Variants in ANKFN1 observed in about 807,000 individuals in gnomAD.
The protein encoded by ANKFN1 is ankyrin repeat and fibronectin type III domain containing 1.
ANKFN1 carries 74 observed loss-of-function variants against 108.7 expected under a neutral mutation model. The ratio of observed to expected loss-of-function variants is 0.68; its 90% CI spans 0.56 to 0.83. The LOEUF is 0.83. ANKFN1 is among the 40% of genes least tolerant of loss of function. The pLI is 0.00. For missense variants in ANKFN1, 1,505 were observed against 1,382.3 expected (o/e 1.09, Z -1.41); for synonymous variants, 547 against 516.2 (o/e 1.06, Z -0.81).
At chr17:56,113,236 G>A (rs1189059862) in intron 4 of ANKFN1, among the ~76,000 whole-genome samples, 1 of 152,186 alleles carries the variant, frequency 6.6e-6, no homozygotes, top group South Asian at 2.1e-4. Flanking sequence ...AAGGTTGGGA[G>A]TGAGGTGGAC....
chr17:56,509,813 A>G (rs2051685959), intron 20 of ANKFN1, among the ~76,000 whole-genome samples: 1 of 152,196 alleles, frequency 6.6e-6, no homozygotes, highest in African/African-American at 2.4e-5. Flanking sequence ...TCCCTAACAA[A>G]TCAGACTTTA....
intron 3 of ANKFN1, among the ~76,000 whole-genome samples, chr17:56,268,962 G>A (rs530170163): frequency 6.6e-6 from 1 of 152,222 alleles, no homozygotes; most frequent in Non-Finnish European, 1.5e-5. Flanking sequence ...ACAAATAACT[G>A]ACTCCTATTC....
At chr17:56,379,457 TC>T (rs931167727) in intron 8 of ANKFN1, among the ~76,000 whole-genome samples, 1 of 151,944 alleles carries the variant, frequency 6.6e-6, no homozygotes, top group African/African-American at 2.4e-5. Context: ...TATTCATACC[TC>T]AAACTCTATA....
intron 4 of ANKFN1, among the ~76,000 whole-genome samples, chr17:56,133,528 CTGTGTGTGTGTGTGTGTGTGTGTGTG>C (rs10598270): frequency 1.4e-5 from 2 of 146,436 alleles, no homozygotes; most frequent in African/African-American, 2.5e-5. Flanking sequence ...ATGTGTATAC[CTGTGTGTGTGTGTGTGTGTGTGTGTG>C]TGTGTGTGTG....
intron 4 of ANKFN1, among the ~76,000 whole-genome samples, chr17:56,345,568 C>T (rs929054719): frequency 9.9e-5 from 15 of 152,092 alleles, no homozygotes; most frequent in African/African-American, 3.4e-4. Context: ...TTTCAGGACT[C>T]TCTAATAATT....
chr17:56,434,852 T>C (rs1567999067), intron 8 of ANKFN1, among the ~76,000 whole-genome samples: 1 of 152,074 alleles, frequency 6.6e-6, no homozygotes, highest in East Asian at 1.9e-4. Context: ...ATTAGATGGA[T>C]CGGGGGAAGA....
At chr17:56,481,512 GCACA>G (rs987479049) in intron 17 of ANKFN1, among the ~76,000 whole-genome samples, 1 of 101,010 alleles carries the variant, frequency 9.9e-6, no homozygotes, top group African/African-American at 2.8e-5. Context: ...ACACACACAC[GCACA>G]CACACACACA....
chr17:56,427,989 T>C (rs2048625240), intron 8 of ANKFN1, among the ~76,000 whole-genome samples: 1 of 152,150 alleles, frequency 6.6e-6, no homozygotes. Context: ...TCCTAGCACT[T>C]TGGAAGGCCA....
At chr17:56,416,651 T>G (rs1404668899) in intron 8 of ANKFN1, among the ~76,000 whole-genome samples, 3 of 152,164 alleles carry the variant, frequency 2.0e-5, no homozygotes, top group Non-Finnish European at 4.4e-5. Context: ...ATTTGGAGAT[T>G]TCTCAAAAAA....
Position 56,372,838 on chromosome 17 carries a change from C to G in ANKFN1, c.794C>G (p.Ala265Gly). Residue 265 changes from alanine to glycine, a missense_variant and splice_region_variant, in exon 7 of 21, where the codon GCC (alanine) becomes GGC (glycine). Ala to Gly is a moderately conservative substitution (Grantham distance 60). Coordinates refer to ENST00000682825, the MANE Select transcript of ANKFN1 (RefSeq NM_001370326.1). Reference protein sequence around the residue: ...YRRMKTGFEHARAPEMPTNVC... With the variant: ...YRRMKTGFEHGRAPEMPTNVC... ...CGCATGAAAACAGGCTTTGAGCATGCCAGTGAGTATAAGCAGAAAATGTCT... is the reference window on the plus strand; with the variant it reads ...CGCATGAAAACAGGCTTTGAGCATGGCAGTGAGTATAAGCAGAAAATGTCT... 6.2e-7 allele frequency: 1 copy of G among 1,611,758 alleles called. No homozygotes were observed. Among genetic ancestry groups the G allele is most frequent in the Non-Finnish European group, 8.5e-7 (1 of 1,179,298 alleles).
chr17:56,330,803 C>T (rs530535105), intron 4 of ANKFN1, among the ~76,000 whole-genome samples: 1 of 152,292 alleles, frequency 6.6e-6, no homozygotes, highest in Non-Finnish European at 1.5e-5. Flanking sequence ...ATTTGTTGAA[C>T]TGTAGAATCA....
At chr17:56,338,769 T>C (rs1046161644) in intron 4 of ANKFN1, among the ~76,000 whole-genome samples, 1 of 152,054 alleles carries the variant, frequency 6.6e-6, no homozygotes, top group Non-Finnish European at 1.5e-5. Flanking sequence ...ATATAGTGCA[T>C]TCAAACAGAA....
At chr17:56,384,029 AG>A in intron 8 of ANKFN1, among the ~76,000 whole-genome samples, 1 of 152,336 alleles carries the variant, frequency 6.6e-6, no homozygotes, top group South Asian at 2.1e-4. Context: ...CAACCAAAAA[AG>A]AGAATTTTAG....
rs546530740 is a variant in ANKFN1 at position 56,069,891 on chromosome 17, A to G, written c.288+23566A>G. Among the ~76,000 whole-genome samples, 309 of 152,340 alleles carry G rather than the reference A, an allele frequency of 2.0e-3. 1 individual carries two copies. The highest frequency in any genetic ancestry group is 1.6e-3 in the Non-Finnish European group (108 of 68,028). On this transcript the variant is annotated intron_variant, in intron 4 of 12. Transcript: ENST00000635860. ...TGGTTATTTCTTGATTATATGCTAC[A>G]TAAGGGGTAAATTATTCATGTCTCC...
At chr17:56,421,546 C>T (rs1438013695) in intron 8 of ANKFN1, among the ~76,000 whole-genome samples, 16 of 152,222 alleles carry the variant, frequency 1.1e-4, no homozygotes, top group Non-Finnish European at 1.3e-4. Flanking sequence ...ACTTGGCCAT[C>T]ATGGCTTTGT....
chr17:56,283,897 T>TA (rs899641800), intron 3 of ANKFN1, among the ~76,000 whole-genome samples: 101 of 151,538 alleles, frequency 6.7e-4, no homozygotes, highest in Admixed American at 3.4e-3. Context: ...GGAAATAAAT[T>TA]AAAAAAAAAT....
chr17:56,188,597 A>G (rs1258967864), intron 1 of ANKFN1, among the ~76,000 whole-genome samples: 284 of 127,918 alleles, frequency 2.2e-3, no homozygotes, highest in Non-Finnish European at 3.2e-3. Context: ...ATATATATAT[A>G]TATATATATA....
At chr17:56,474,420 A>G (rs544385488) in intron 15 of ANKFN1, among the ~76,000 whole-genome samples, 2 of 152,116 alleles carry the variant, frequency 1.3e-5, no homozygotes, top group South Asian at 4.1e-4. Context: ...AACCATGTTG[A>G]CTCCTCTTCA....
At chr17:56,346,317 C>T (rs768671449) in intron 4 of ANKFN1, among the ~76,000 whole-genome samples, 33 of 151,918 alleles carry the variant, frequency 2.2e-4, no homozygotes, top group Non-Finnish European at 4.1e-4. Context: ...TGAAGTCAGA[C>T]AGCATGATGC....
Sources: allele counts gnomAD v4.1 joint callset (sites outside exome capture counted in the v4.1 genomes callset), GRCh38; gene constraint gnomAD v4.1.1; transcripts MANE v1.5; gene names NCBI Gene and HGNC (gene_info 2026-07-23, HGNC 2026-07-21).